Variants in COL5A2 observed in about 807,000 individuals in gnomAD.
The protein encoded by COL5A2 is collagen type V alpha 2 chain, also known as collagen alpha-2(V) chain.
COL5A2 carries 23 observed loss-of-function variants against 208.2 expected under a neutral mutation model. That is an observed-to-expected ratio of 0.11 (90% confidence interval 0.08 to 0.16). The LOEUF is 0.16. Among genes scored for constraint, COL5A2 ranks in the 10% least tolerant of loss-of-function variants. The pLI, the probability that COL5A2 is intolerant of heterozygous loss-of-function variation, is 1.00. For synonymous variants in COL5A2, 625 were observed against 628.5 expected (o/e 0.99, Z 0.08); for missense variants, 1,590 against 1,956.4 (o/e 0.81, Z 3.53).
At chr2:189,341,946 G>A in the COL5A2 span, among the ~76,000 whole-genome samples, 38 of 152,048 alleles carry the variant, frequency 2.5e-4, no homozygotes, top group South Asian at 1.5e-3. Context: ...CAGTCTTTCC[G>A]TATTATCTAA....
the COL5A2 span, among the ~76,000 whole-genome samples, chr2:189,430,600 C>T: frequency 6.6e-6 from 1 of 152,256 alleles, no homozygotes; most frequent in Non-Finnish European, 1.5e-5. Context: ...GCTAGTGCAG[C>T]AGTCTGAGAT....
In COL5A2 at chr2:189,049,372, C is replaced by G. The variant is rs781185515; in HGVS notation, c.3122G>C (p.Gly1041Ala). ...PGPVGPPGSN[G>A]PVGEPGPEGP... ...TTCTGGTCCAGGTTCCCCTACAGGACCATTGGAGCCTGGGGGCCCCACAGG... is the reference window on the plus strand; with the variant it reads ...TTCTGGTCCAGGTTCCCCTACAGGAGCATTGGAGCCTGGGGGCCCCACAGG... Residue 1041 changes from glycine to alanine, a missense_variant, in exon 44 of 54, where the codon GGT becomes GCT. Coordinates refer to ENST00000374866, the MANE Select transcript of COL5A2 (RefSeq NM_000393.5). The G allele has an allele frequency of 1.2e-6, 2 of 1,612,950 alleles. No homozygotes were observed. The highest frequency in any genetic ancestry group is 4.5e-5 in the East Asian group (2 of 44,862).
intron 1 of COL5A2, among the ~76,000 whole-genome samples, chr2:189,110,986 A>C (rs1034792467): frequency 6.6e-6 from 1 of 152,190 alleles, no homozygotes; most frequent in African/African-American, 2.4e-5. Flanking sequence ...ATGTACAGTA[A>C]AAAAGTATAA....
chr2:189,041,720 G>T, intron 49 of COL5A2, 27 bp from the exon 50 acceptor site: 1 of 1,560,408 alleles, frequency 6.4e-7, no homozygotes, highest in South Asian at 1.1e-5. Context: ...CTGTAGTTTA[G>T]ATTCTATGAA....
chr2:189,061,723 A>G (rs1315921556), intron 29 of COL5A2, 108 bp from the exon 30 acceptor site: 21 of 880,332 alleles, frequency 2.4e-5, no homozygotes, highest in Non-Finnish European at 3.9e-5. Flanking sequence ...TCTTCCAATC[A>G]CATGTTTTTC....
the COL5A2 span, among the ~76,000 whole-genome samples, chr2:189,308,500 T>G: frequency 1.1e-3 from 170 of 152,258 alleles, no homozygotes; most frequent in African/African-American, 3.8e-3. Flanking sequence ...GAAAATACAC[T>G]TTTTGTAGAA....
chr2:189,314,137 A>G, the COL5A2 span, among the ~76,000 whole-genome samples: 10 of 152,226 alleles, frequency 6.6e-5, no homozygotes, highest in Non-Finnish European at 1.3e-4. Context: ...GCAACAAAAT[A>G]TACATTATTC....
At position 189,079,058 on chromosome 2, in the gene COL5A2, C is replaced by CGTAT. The variant is rs1686475917; in HGVS notation, c.1005+4_1005+5insATAC. 2 of 1,610,932 alleles carry CGTAT rather than the reference C, an allele frequency of 1.2e-6. No individual in the cohort carries two copies. The highest frequency in any genetic ancestry group is 1.7e-6 in the Non-Finnish European group (2 of 1,177,434). On this transcript the variant is annotated splice_donor_region_variant and intron_variant, in intron 15 of 53. Transcript: ENST00000374866. ...AATTTAAGAAACAAGAAAACGAGCA[C>CGTAT]ATACCAGAGGACCCATGGCACCCAT...
the COL5A2 span, among the ~76,000 whole-genome samples, chr2:189,249,901 T>C: frequency 2.7e-3 from 414 of 152,362 alleles, 3 homozygotes; most frequent in African/African-American, 9.4e-3. Context: ...TTTCGCCATG[T>C]TGGGCAGGCT....
At chr2:189,392,487 T>C in the COL5A2 span, among the ~76,000 whole-genome samples, 1 of 152,196 alleles carries the variant, frequency 6.6e-6, no homozygotes, top group Non-Finnish European at 1.5e-5. Context: ...TCCTTACCCC[T>C]GGAAGTAAAG....
the COL5A2 span, among the ~76,000 whole-genome samples, chr2:189,272,268 C>A: frequency 6.6e-6 from 1 of 152,244 alleles, no homozygotes; most frequent in Non-Finnish European, 1.5e-5. Flanking sequence ...ACCCAAATAC[C>A]CATCAATGAT....
At position 189,058,514 on chromosome 2, in the gene COL5A2, T is replaced by C. The variant is rs1685950749; in HGVS notation, c.2144A>G (p.Asn715Ser). Residue 715 changes from asparagine (N) to serine (S), a missense_variant, in exon 33 of 54, where the codon AAT becomes AGT. Asn to Ser is a conservative substitution (Grantham distance 46). Transcript: ENST00000374866. ...GPLGPRGERG[N>S]PGERGEPGIT... ...CCCAGGTTCTCCTCTTTCCCCAGGA[T>C]TTCCTCGTTCTCCCTAGCACAAAAT... 1 of 1,613,816 alleles carries C rather than the reference T, an allele frequency of 6.2e-7. No homozygotes were observed. The highest frequency in any genetic ancestry group is 1.7e-5 in the Admixed American group (1 of 59,988).
In COL5A2 at chr2:189,066,355, CA is replaced by C; in HGVS notation, c.1563+34del. 1.9e-6 allele frequency: 3 copies of C among 1,554,414 alleles called. No individual in the cohort carries two copies. In the South Asian group the frequency reaches 3.3e-5, roughly 17 times the overall value. On this transcript the variant is annotated intron_variant, in intron 23 of 53. Coordinates refer to ENST00000374866, the MANE Select transcript of COL5A2 (RefSeq NM_000393.5). ...CAGACTTACACACATAATTCCCTCACAACTGTAAGAATGTGTTGTATTATTT... is the reference window on the plus strand; with the variant it reads ...CAGACTTACACACATAATTCCCTCACACTGTAAGAATGTGTTGTATTATTT...
At chr2:189,123,664 T>G (rs970833066) in intron 1 of COL5A2, among the ~76,000 whole-genome samples, 1 of 152,224 alleles carries the variant, frequency 6.6e-6, no homozygotes, top group Non-Finnish European at 1.5e-5. Flanking sequence ...ACAAATTTTA[T>G]TTTAAAAATC....
intron 7 of COL5A2, among the ~76,000 whole-genome samples, chr2:189,091,481 C>A (rs2105665818): frequency 6.6e-6 from 1 of 152,252 alleles, no homozygotes; most frequent in Non-Finnish European, 1.5e-5. Flanking sequence ...CTATCAGCAT[C>A]AAAGCAAAAC....
chr2:189,235,763 C>T, the COL5A2 span, among the ~76,000 whole-genome samples: 1 of 151,586 alleles, frequency 6.6e-6, no homozygotes, highest in African/African-American at 2.4e-5. Context: ...GGAGCTCATG[C>T]AGAAAAGAGT....
At chr2:189,142,280 T>C (rs1375970914) in intron 1 of COL5A2, among the ~76,000 whole-genome samples, 2 of 152,048 alleles carry the variant, frequency 1.3e-5, no homozygotes, top group Non-Finnish European at 2.9e-5. Context: ...GTTTTTTTAT[T>C]TCTAAAATAA....
the COL5A2 span, among the ~76,000 whole-genome samples, chr2:189,345,549 G>T: frequency 6.6e-6 from 1 of 152,176 alleles, no homozygotes; most frequent in African/African-American, 2.4e-5. Context: ...GCAGTAGGAG[G>T]AAAAGGAGGA....
intron 1 of COL5A2, among the ~76,000 whole-genome samples, chr2:189,208,011 G>A (rs1576586201): frequency 6.6e-6 from 1 of 152,254 alleles, no homozygotes; most frequent in South Asian, 2.1e-4. Context: ...TAAGACCTTA[G>A]AGTGTGCATG....
Sources: allele counts gnomAD v4.1 joint callset (sites outside exome capture counted in the v4.1 genomes callset), GRCh38; gene constraint gnomAD v4.1.1; transcripts MANE v1.5; gene names NCBI Gene and HGNC (gene_info 2026-07-23, HGNC 2026-07-21).